UBE2D2: variants seen among roughly 807,000 people sequenced by gnomAD.
The protein encoded by UBE2D2 is ubiquitin conjugating enzyme E2 D2, also known as ubiquitin-conjugating enzyme E2 D2.
A neutral mutation model predicts 24.2 loss-of-function variants in UBE2D2; 2 were observed. The ratio of observed to expected loss-of-function variants is 0.08; its 90% confidence interval spans 0.03 to 0.26. The LOEUF (loss-of-function observed/expected upper bound fraction) is 0.26. Ranked by LOEUF, UBE2D2 falls within the 10% of genes least tolerant of loss-of-function variation. The probability of loss-of-function intolerance (pLI) is 1.00; values close to 1 mark genes in which losing one functional copy is unlikely to be tolerated. For synonymous variants in UBE2D2, 58 were observed against 56.5 expected, an observed-to-expected ratio of 1.03 and a Z score of -0.12; for missense variants, 44 against 177.6, an observed-to-expected ratio of 0.25 and a Z score of 4.28.
At chr5:139,583,738 G>A (rs949284205) in intron 1 of UBE2D2, among the ~76,000 whole-genome samples, 6 of 152,182 alleles carry the variant, frequency 3.9e-5, no homozygotes, top group Non-Finnish European at 8.8e-5. Flanking sequence ...CTCTAGCCTG[G>A]GCGACGGAGC....
At chr5:139,593,680 C>T (rs1226319416) in intron 1 of UBE2D2, among the ~76,000 whole-genome samples, 1 of 151,988 alleles carries the variant, frequency 6.6e-6, no homozygotes. Context: ...TATAGTGGCA[C>T]GATCCACTGC....
chr5:139,537,512 G>A (rs534696640), intron 1 of UBE2D2, among the ~76,000 whole-genome samples: 1 of 151,968 alleles, frequency 6.6e-6, no homozygotes, highest in Admixed American at 6.5e-5. Context: ...GTCTCGCTCT[G>A]TCACCCCGGC....
At chr5:139,590,723 G>A (rs1294026773) in intron 1 of UBE2D2, among the ~76,000 whole-genome samples, 2 of 150,406 alleles carry the variant, frequency 1.3e-5, no homozygotes, top group Non-Finnish European at 3.0e-5. Flanking sequence ...AGATAGTATG[G>A]CGATGTTAAG....
intron 1 of UBE2D2, chr5:139,562,140 G>A (rs1753114428): frequency 8.1e-7 from 1 of 1,232,102 alleles, no homozygotes; most frequent in African/African-American, 1.5e-5. Flanking sequence ...CAGGATGGCG[G>A]GGTTGGGGCC....
upstream of UBE2D2, chr5:139,561,197 G>A (rs1380994509): frequency 6.6e-6 from 1 of 152,626 alleles, no homozygotes; most frequent in Non-Finnish European, 1.5e-5. Flanking sequence ...CGGGGCCGTG[G>A]CGGCGACGGC....
intron 2 of UBE2D2, among the ~76,000 whole-genome samples, chr5:139,614,265 G>A (rs866673899): frequency 2.6e-5 from 4 of 151,880 alleles, no homozygotes; most frequent in South Asian, 4.2e-4. Context: ...TTGCAGTGGC[G>A]CAGTCATGGC....
chr5:139,619,617 A>T lies in UBE2D2; in HGVS notation c.305-3751A>T, dbSNP rs531634089. Among the ~76,000 whole-genome samples the T allele has an allele frequency of 5.3e-5, 8 of 152,238 alleles. 1 individual carries two copies. In the South Asian group the frequency reaches 1.5e-3, roughly 28 times the overall value. ...GGTGGCTCACTCTTGTAATCCCAGC[A>T]CTTTGGGAGGCCGAGATGCGCAGAT... On this transcript the variant is annotated intron_variant, in intron 5 of 6. Coordinates refer to ENST00000398733, the MANE Select transcript of UBE2D2 (RefSeq NM_003339.3).
Position 139,536,905 on chromosome 5 carries a change from C to T in UBE2D2, c.-64+10293C>T, listed in dbSNP as rs565889202. The stretch of plus-strand genomic sequence containing the variant: ...TAAAAAGTAGTAAACCCAGGCTGGA[C>T]GAGGTGACTCACGCCTGTAATCCCA... On this transcript the variant is annotated intron_variant, in intron 1 of 6. Coordinates refer to the UBE2D2 transcript ENST00000511725. Among the ~76,000 whole-genome samples, 8 of 152,192 alleles carry T rather than the reference C, an allele frequency of 5.3e-5. No homozygotes were observed. In the East Asian group the frequency reaches 1.2e-3, roughly 22 times the overall value.
intron 1 of UBE2D2, among the ~76,000 whole-genome samples, chr5:139,550,382 C>T (rs530304800): frequency 1.3e-5 from 2 of 152,292 alleles, no homozygotes; most frequent in Admixed American, 6.5e-5. Flanking sequence ...ATGCACCAAT[C>T]AGCACCCTGT....
intron 2 of UBE2D2, among the ~76,000 whole-genome samples, chr5:139,610,583 C>G (rs938586150): frequency 2.7e-5 from 4 of 147,902 alleles, no homozygotes; most frequent in African/African-American, 1.0e-4. Context: ...TGAAAAAAAT[C>G]CAGGAGGGTC....
chr5:139,611,591 G>T (rs1157288184), intron 2 of UBE2D2, among the ~76,000 whole-genome samples: 1 of 152,192 alleles, frequency 6.6e-6, no homozygotes, highest in East Asian at 1.9e-4. Flanking sequence ...TTCCACTAAA[G>T]TTCTGAAATC....
intron 1 of UBE2D2, among the ~76,000 whole-genome samples, chr5:139,592,032 T>C (rs1753855720): frequency 2.6e-5 from 4 of 152,036 alleles, no homozygotes; most frequent in Admixed American, 2.6e-4. Flanking sequence ...TGAAACGCCA[T>C]CTCTACTAAA....
intron 1 of UBE2D2, among the ~76,000 whole-genome samples, chr5:139,537,100 A>G (rs1581479554): frequency 6.6e-6 from 1 of 151,534 alleles, no homozygotes; most frequent in Admixed American, 6.6e-5. Context: ...GGAGAATGGC[A>G]TGAACCCGGG....
intron 1 of UBE2D2, among the ~76,000 whole-genome samples, chr5:139,597,319 A>C (rs940760345): frequency 6.6e-6 from 1 of 152,182 alleles, no homozygotes. Flanking sequence ...ATCATACATC[A>C]TGTAGCCTTA....
At chr5:139,625,087 T>C (rs1337288249) in intron 6 of UBE2D2, among the ~76,000 whole-genome samples, 1 of 149,266 alleles carries the variant, frequency 6.7e-6, no homozygotes, top group Non-Finnish European at 1.5e-5. Flanking sequence ...AGACAGGGTC[T>C]TGTTCTTCAG....
At chr5:139,538,266 G>A (rs1422949005) in intron 1 of UBE2D2, among the ~76,000 whole-genome samples, 3 of 152,050 alleles carry the variant, frequency 2.0e-5, no homozygotes, top group African/African-American at 4.8e-5. Context: ...TTGTAGGGGT[G>A]AGCCACCATA....
rs371259673 is a variant in UBE2D2, at chr5:139,596,742, A to AAATAAT, written c.25-3613_25-3608dup. Among the ~76,000 whole-genome samples, 510 of 151,214 alleles carry AAATAAT rather than the reference A, an allele frequency of 3.4e-3. 5 individuals carry two copies. Among genetic ancestry groups the AAATAAT allele is most frequent in the African/African-American group, 0.01 (422 of 41,300 alleles). ...ATAGTGAGACCTTGTCTCTGCATTA[A>AAATAAT]AATAATAATAATAATAATAATAGGC... On this transcript the variant is annotated intron_variant, in intron 1 of 6. Transcript: ENST00000398733.
At chr5:139,622,628 G>A (rs972759825) in intron 5 of UBE2D2, among the ~76,000 whole-genome samples, 111 of 150,608 alleles carry the variant, frequency 7.4e-4, no homozygotes, top group Non-Finnish European at 1.2e-3. Context: ...AGTGGCTCAC[G>A]CCTGTAATCC....
At chr5:139,555,286 C>T (rs1315709056) in intron 1 of UBE2D2, among the ~76,000 whole-genome samples, 2 of 152,080 alleles carry the variant, frequency 1.3e-5, no homozygotes, top group Non-Finnish European at 2.9e-5. Context: ...AGTGATCCAC[C>T]CACCTTGGCC....
Sources: gnomAD v4.1 joint callset for allele counts (sites outside exome capture counted in the v4.1 genomes callset) on GRCh38, gnomAD v4.1.1 for gene constraint, MANE v1.5 for transcripts, NCBI Gene and HGNC (gene_info 2026-07-23, HGNC 2026-07-21) for gene names.